Variants in TANC1 observed in about 807,000 individuals in gnomAD.
TANC1 encodes tetratricopeptide repeat, ankyrin repeat and coiled-coil containing 1.
In TANC1, 77 loss-of-function variants were observed where a neutral mutation model predicts 149.7. That is an observed-to-expected ratio of 0.51 (90% confidence interval 0.43 to 0.62). The LOEUF is 0.62. Ranked by LOEUF, TANC1 falls within the 20% of genes least tolerant of loss-of-function variation. The pLI is 0.00. For missense variants in TANC1, 1,985 were observed against 2,321.8 expected (o/e 0.85, Z 2.98); for synonymous variants, 854 against 925.0 (o/e 0.92, Z 1.39).
At chr2:159,192,112 A>G (rs1308426497) in intron 16 of TANC1, among the ~76,000 whole-genome samples, 2 of 152,204 alleles carry the variant, frequency 1.3e-5, no homozygotes, top group African/African-American at 2.4e-5. Flanking sequence ...CCCAATACCT[A>G]GATCCAGGGA....
At chr2:159,055,417 C>T (rs1376896361) in intron 2 of TANC1, among the ~76,000 whole-genome samples, 1 of 152,170 alleles carries the variant, frequency 6.6e-6, no homozygotes, top group Non-Finnish European at 1.5e-5. Flanking sequence ...CTGTGCTGTC[C>T]TGATCACCTC....
intron 7 of TANC1, among the ~76,000 whole-genome samples, chr2:159,158,086 T>G (rs915460692): frequency 6.6e-6 from 1 of 152,174 alleles, no homozygotes; most frequent in Non-Finnish European, 1.5e-5. Flanking sequence ...CCGGGCATGG[T>G]GGGTCACGCC....
chr2:159,147,382 C>A (rs1482033770), intron 5 of TANC1, among the ~76,000 whole-genome samples: 2 of 152,256 alleles, frequency 1.3e-5, no homozygotes, highest in Non-Finnish European at 2.9e-5. Flanking sequence ...CCAGCTGCCA[C>A]CTGAGATAAA....
chr2:159,132,980 C>T (rs887852407), intron 4 of TANC1, among the ~76,000 whole-genome samples: 3 of 152,110 alleles, frequency 2.0e-5, no homozygotes, highest in African/African-American at 7.2e-5. Context: ...AGGATCCAGA[C>T]ATTTACAATA....
chr2:159,053,279 A>G (rs35128728), intron 2 of TANC1, among the ~76,000 whole-genome samples: 37,021 of 142,856 alleles, frequency 0.26, 5,895 homozygotes, highest in Non-Finnish European at 0.37. Flanking sequence ...AGCTTAAGGG[A>G]AAAAAAAAAA....
chr2:158,969,834 C>G lies in TANC1; in HGVS notation c.-126+1052C>G, dbSNP rs144135458. On this transcript the variant is annotated intron_variant, in intron 1 of 26. Coordinates refer to ENST00000263635, the MANE Select transcript of TANC1 (RefSeq NM_033394.3). Reference sequence around the variant, plus strand: ...CTCGGCAACGGCCTTCTCCCAGCCCCCTCCTGCCAGCTCCAGATCCGCGTG... The same window carrying G: ...CTCGGCAACGGCCTTCTCCCAGCCCGCTCCTGCCAGCTCCAGATCCGCGTG... Among the ~76,000 whole-genome samples, 9 of 152,346 alleles carry G rather than the reference C, an allele frequency of 5.9e-5. No individual in the cohort carries two copies. The East Asian group carries it at 1.7e-3, about 29-fold the overall frequency.
rs1461716840 is a variant in TANC1 at position 159,230,306 on chromosome 2, C to G, written c.4880C>G (p.Thr1627Arg). The G allele has an allele frequency of 1.2e-6, 2 of 1,614,158 alleles. No individual in the cohort carries two copies. Among genetic ancestry groups the G allele is most frequent in the Admixed American group, 1.7e-5 (1 of 60,018 alleles). Residue 1627 changes from threonine (T) to arginine (R), a missense_variant, in exon 27 of 27, where the codon ACA (threonine) becomes AGA (arginine). This residue lies in a region of TANC1 where 920 missense variants were observed against 994.7 expected (regional missense o/e 0.92). Transcript: ENST00000263635. The surrounding 1 kb of genome is among the most constrained non-coding windows in gnomAD (Gnocchi z 4.4). ...AHPLPSKTKT[T>R]ERLLSHSSVA... is the part of the protein sequence containing the mutation. ...CCTTTACCAAGTAAGACGAAAACCA[C>G]AGAGAGGCTTCTGTCTCATTCCTCC... is the stretch of plus-strand genomic sequence containing the variant.
intron 2 of TANC1, among the ~76,000 whole-genome samples, chr2:159,062,102 G>T (rs375545286): frequency 1.3e-5 from 2 of 152,118 alleles, no homozygotes; most frequent in Non-Finnish European, 2.9e-5. Context: ...GCTGGGTGTG[G>T]TGGTGGGTGC....
intron 1 of TANC1, among the ~76,000 whole-genome samples, chr2:158,991,237 A>C (rs1329213228): frequency 6.6e-6 from 1 of 152,104 alleles, no homozygotes; most frequent in African/African-American, 2.4e-5. Context: ...ATTTGCTAGG[A>C]AAGAAAATAA....
intron 10 of TANC1, among the ~76,000 whole-genome samples, chr2:159,171,281 A>G (rs931884187): frequency 2.0e-5 from 3 of 152,258 alleles, no homozygotes; most frequent in Non-Finnish European, 2.9e-5. Context: ...TTCATATGCA[A>G]TAAACCCACT....
At chr2:159,195,076 C>T (rs2057748074) in intron 17 of TANC1, among the ~76,000 whole-genome samples, 1 of 152,150 alleles carries the variant, frequency 6.6e-6, no homozygotes, top group Non-Finnish European at 1.5e-5. Flanking sequence ...AGCATTCAGT[C>T]ATATATGAAG....
intron 19 of TANC1, among the ~76,000 whole-genome samples, chr2:159,205,603 G>A (rs1302576815): frequency 6.6e-6 from 1 of 152,238 alleles, no homozygotes; most frequent in Admixed American, 6.5e-5. Context: ...CAGCTTAGCA[G>A]TTTAGGAGCA....
chr2:159,047,135 G>T (rs1003626637), intron 2 of TANC1, among the ~76,000 whole-genome samples: 4 of 151,534 alleles, frequency 2.6e-5, no homozygotes, highest in African/African-American at 7.3e-5. Flanking sequence ...GGACATTTCT[G>T]CTTGGATGAC....
At chr2:159,011,990 G>A (rs780477073) in intron 2 of TANC1, among the ~76,000 whole-genome samples, 1 of 152,056 alleles carries the variant, frequency 6.6e-6, no homozygotes, top group African/African-American at 2.4e-5. Flanking sequence ...AACTTCCTGG[G>A]TTAGGAAAGT....
At chr2:159,062,246 CAAACAAAAAACA>C (rs1306476908) in intron 2 of TANC1, among the ~76,000 whole-genome samples, 1 of 152,040 alleles carries the variant, frequency 6.6e-6, no homozygotes, top group Non-Finnish European at 1.5e-5. Flanking sequence ...TCAAAACAAA[CAAACAAAAAACA>C]AAACAAAAAC....
At chr2:159,087,254 T>C (rs901773997) in intron 3 of TANC1, among the ~76,000 whole-genome samples, 4 of 152,188 alleles carry the variant, frequency 2.6e-5, no homozygotes, top group Non-Finnish European at 5.9e-5. Context: ...AAAACCATAA[T>C]GTCCCCACTG....
chr2:159,057,323 A>C (rs1392298607), intron 2 of TANC1, among the ~76,000 whole-genome samples: 1 of 152,214 alleles, frequency 6.6e-6, no homozygotes, highest in Non-Finnish European at 1.5e-5. Flanking sequence ...TGGAGGCATG[A>C]ATGTTTTTAG....
intron 13 of TANC1, 105 bp downstream of exon 13, chr2:159,176,623 G>A: frequency 1.1e-6 from 1 of 915,120 alleles, no homozygotes; most frequent in Non-Finnish European, 1.6e-6. Flanking sequence ...GCTTGAATTG[G>A]AAACTATGTT....
chr2:159,219,423 C>A (rs1373868323), intron 21 of TANC1, 62 bp downstream of exon 21: 1 of 1,594,894 alleles, frequency 6.3e-7, no homozygotes, highest in Non-Finnish European at 8.6e-7. Context: ...TTCAGCAGAC[C>A]CATTCAGTGC....
Sources: gnomAD v4.1 joint callset for allele counts (sites outside exome capture counted in the v4.1 genomes callset) on GRCh38, gnomAD v4.1.1 for gene constraint, gnomAD v4.1.1 regional missense constraint, Gnocchi (gnomAD v3.1) non-coding constraint, MANE v1.5 for transcripts, NCBI Gene and HGNC (gene_info 2026-07-23, HGNC 2026-07-21) for gene names.